JAK2: variants seen among roughly 807,000 people sequenced by gnomAD.
JAK2 encodes the protein tyrosine-protein kinase JAK2.
In JAK2, 86 loss-of-function variants were observed where a neutral mutation model predicts 139.3. The ratio of observed to expected loss-of-function variants is 0.62; its 90% CI spans 0.52 to 0.74. JAK2 has a LOEUF of 0.74. Among genes scored for constraint, JAK2 ranks in the 30% least tolerant of loss-of-function variants. The pLI is 0.00. For synonymous variants in JAK2, 490 were observed against 437.7 expected (o/e 1.12, Z -1.49); for missense variants, 1,421 against 1,360.3 (o/e 1.04, Z -0.70).
At chr9:5,018,423 C>T (rs1822207881) in intron 2 of JAK2, among the ~76,000 whole-genome samples, 1 of 152,126 alleles carries the variant, frequency 6.6e-6, no homozygotes, top group Non-Finnish European at 1.5e-5. Context: ...GCAGCCTCGA[C>T]CTCCATGGTC....
At chr9:5,042,555 C>T (rs1425180834) in intron 4 of JAK2, among the ~76,000 whole-genome samples, 2 of 152,088 alleles carry the variant, frequency 1.3e-5, no homozygotes, top group Non-Finnish European at 2.9e-5. Flanking sequence ...CCCTCCATTA[C>T]TTTGCTGAAG....
intron 4 of JAK2, among the ~76,000 whole-genome samples, chr9:5,034,022 C>G (rs1487382447): frequency 6.6e-6 from 1 of 151,978 alleles, no homozygotes; most frequent in Non-Finnish European, 1.5e-5. Flanking sequence ...CACACATAGG[C>G]TCAAAATAAA....
At chr9:5,009,975 G>C (rs1821584364) in intron 2 of JAK2, among the ~76,000 whole-genome samples, 1 of 152,150 alleles carries the variant, frequency 6.6e-6, no homozygotes, top group African/African-American at 2.4e-5. Context: ...GTCTCGCAAT[G>C]TTGCCGGGGC....
intron 16 of JAK2, 72 bp downstream of exon 16, chr9:5,078,516 A>G (rs1195242917): frequency 1.7e-6 from 2 of 1,158,566 alleles, no homozygotes; most frequent in African/African-American, 1.6e-5. Flanking sequence ...GCATGTTGTT[A>G]ATTTTCCTTG....
intron 3 of JAK2, among the ~76,000 whole-genome samples, chr9:5,027,262 C>T (rs976510493): frequency 1.3e-5 from 2 of 152,086 alleles, no homozygotes; most frequent in African/African-American, 4.8e-5. Flanking sequence ...GCAAATATTG[C>T]AATAAAGCAA....
chr9:5,092,246 T>C (rs1394097459), intron 22 of JAK2, among the ~76,000 whole-genome samples: 1 of 151,716 alleles, frequency 6.6e-6, no homozygotes, highest in Non-Finnish European at 1.5e-5. Flanking sequence ...AAACCAAGAG[T>C]AGAGTGCTTG....
chr9:5,073,366 T>A (rs986791384), intron 13 of JAK2, among the ~76,000 whole-genome samples: 1 of 152,228 alleles, frequency 6.6e-6, no homozygotes, highest in African/African-American at 2.4e-5. Flanking sequence ...CAGTTTCCTA[T>A]ATCTATCTCT....
chr9:5,123,822 T>TC (rs1417983277), intron 23 of JAK2, among the ~76,000 whole-genome samples: 2 of 151,610 alleles, frequency 1.3e-5, no homozygotes, highest in Non-Finnish European at 3.0e-5. Flanking sequence ...TGTTATTTTT[T>TC]CTCTCTCTCA....
At chr9:5,026,788 T>G (rs1822811712) in intron 3 of JAK2, among the ~76,000 whole-genome samples, 1 of 152,346 alleles carries the variant, frequency 6.6e-6, no homozygotes, top group East Asian at 1.9e-4. Context: ...TTGTGTGGTT[T>G]AGGTATTCTC....
chr9:5,122,561 T>C (rs745453848), intron 22 of JAK2, among the ~76,000 whole-genome samples: 6 of 152,122 alleles, frequency 3.9e-5, no homozygotes, highest in Non-Finnish European at 7.4e-5. Context: ...TTTAGTTATC[T>C]TTCTATGTCA....
intron 2 of JAK2, among the ~76,000 whole-genome samples, chr9:5,020,612 A>C (rs1015340840): frequency 6.6e-6 from 1 of 152,068 alleles, no homozygotes; most frequent in African/African-American, 2.4e-5. Flanking sequence ...GATGTGATGA[A>C]GCTGTACTCA....
intron 19 of JAK2, 57 bp from the exon 20 acceptor site, chr9:5,089,617 A>G (rs1215626556): frequency 4.3e-6 from 3 of 694,576 alleles, no homozygotes; most frequent in East Asian, 3.9e-5. Context: ...TATAAAATTT[A>G]TTTGTAATTT....
intron 22 of JAK2, among the ~76,000 whole-genome samples, chr9:5,121,355 A>G (rs1823604661): frequency 6.6e-6 from 1 of 152,196 alleles, no homozygotes; most frequent in Admixed American, 6.5e-5. Context: ...GTCCTCAAGT[A>G]AGAAGACTTG....
At chr9:5,069,715 G>T (rs1199799539) in intron 11 of JAK2, among the ~76,000 whole-genome samples, 2 of 152,046 alleles carry the variant, frequency 1.3e-5, no homozygotes, top group Admixed American at 6.5e-5. Flanking sequence ...TTAAGGAAGT[G>T]ATTATAATTT....
At chr9:5,102,084 A>G (rs1821539980) in intron 22 of JAK2, among the ~76,000 whole-genome samples, 1 of 152,212 alleles carries the variant, frequency 6.6e-6, no homozygotes, top group Non-Finnish European at 1.5e-5. Context: ...GGTAATAACA[A>G]ACTTCTCCAA....
intron 5 of JAK2, among the ~76,000 whole-genome samples, chr9:5,046,507 T>C (rs952130590): frequency 6.6e-6 from 1 of 152,218 alleles, no homozygotes; most frequent in African/African-American, 2.4e-5. Context: ...TCTTTCTGTT[T>C]TCTTGTAAGA....
In JAK2 at chr9:5,080,580, G is replaced by C. The variant is rs753814826; in HGVS notation, c.2331G>C (p.Trp777Cys). 1 of 1,601,720 alleles carries C rather than the reference G, an allele frequency of 6.2e-7. No homozygotes were observed. The change falls in exon 18 of 25, where the codon TGG (tryptophan) becomes TGC (cysteine). Residue 777 changes from tryptophan (W) to cysteine (C), a missense_variant. Physicochemically the swap from Trp to Cys is radical, Grantham distance 215 (BLOSUM62 -2). Transcript: ENST00000381652. Reference sequence around the variant, plus strand: ...GGCATCAGCTTCCTGCACCAAAGTGGGCAGAATTAGCAAACCTTATAAATA... The same window carrying C: ...GGCATCAGCTTCCTGCACCAAAGTGCGCAGAATTAGCAAACCTTATAAATA... Reference protein sequence around the residue: ...EDRHQLPAPKWAELANLINNC... With the variant: ...EDRHQLPAPKCAELANLINNC...
chr9:5,025,424 G>GT (rs961640697), intron 3 of JAK2, among the ~76,000 whole-genome samples: 4 of 151,836 alleles, frequency 2.6e-5, no homozygotes, highest in African/African-American at 4.8e-5. Flanking sequence ...CCTGATGGTG[G>GT]TTTTTTCTTT....
chr9:5,114,491 C>A (rs1822961971), intron 22 of JAK2: 4 of 466,664 alleles, frequency 8.6e-6, no homozygotes, highest in South Asian at 3.7e-5. Context: ...CATGTGCTCC[C>A]CCACAGGTCT....
Sources: gnomAD v4.1 joint callset for allele counts (sites outside exome capture counted in the v4.1 genomes callset) on GRCh38, gnomAD v4.1.1 for gene constraint, MANE v1.5 for transcripts, NCBI Gene and HGNC (gene_info 2026-07-23, HGNC 2026-07-21) for gene names.